Variants in SLAIN2 observed in about 807,000 individuals in gnomAD.
SLAIN2 encodes the protein SLAIN motif-containing protein 2.
Under a neutral mutation model 56.6 loss-of-function variants are expected in SLAIN2, and 31 were observed. The observed-to-expected ratio is 0.55, with a 90% CI of 0.41 to 0.74. The LOEUF is 0.74. Ranked by LOEUF, SLAIN2 falls within the 30% of genes least tolerant of loss-of-function variation. SLAIN2 has a pLI of 0.00. For missense variants in SLAIN2, 777 were observed against 754.2 expected, an observed-to-expected ratio of 1.03 and a Z score of -0.35; for synonymous variants, 317 against 284.9, an observed-to-expected ratio of 1.11 and a Z score of -1.13.
At chr4:48,400,001 A>G (rs1560462617) in intron 6 of SLAIN2, among the ~76,000 whole-genome samples, 1 of 152,000 alleles carries the variant, frequency 6.6e-6, no homozygotes, top group Non-Finnish European at 1.5e-5. Flanking sequence ...TGGTATCAGG[A>G]TGTTGCTGGC....
intron 1 of SLAIN2, among the ~76,000 whole-genome samples, chr4:48,353,246 G>GT (rs1047795097): frequency 3.3e-5 from 5 of 152,168 alleles, no homozygotes; most frequent in Non-Finnish European, 7.4e-5. Context: ...CAGATGAGAT[G>GT]TCAGAACAGT....
intron 6 of SLAIN2, among the ~76,000 whole-genome samples, chr4:48,403,721 G>C (rs1356447605): frequency 6.6e-6 from 1 of 152,186 alleles, no homozygotes. Flanking sequence ...ACTGCTGCCT[G>C]GTTCCTTGGA....
rs767181073 is a variant in SLAIN2, at chr4:48,382,837, C to G, written c.1132C>G (p.Pro378Ala). 1 of 1,613,642 alleles carries G rather than the reference C, an allele frequency of 6.2e-7. No homozygotes were observed. Among genetic ancestry groups the G allele is most frequent in the South Asian group, 1.1e-5 (1 of 91,066 alleles). ...GGGAATAGAATATAGTAGAGTGTCC[C>G]CACAGCCTATGATTAGCCGCTTACA... ...ARGIEYSRVSPQPMISRLQQP... is the reference protein window; with the variant it reads ...ARGIEYSRVSAQPMISRLQQP... The change falls in exon 5 of 8, where the codon CCA (proline) becomes GCA (alanine). Residue 378 changes from proline to alanine, a missense_variant. Pro to Ala is a conservative substitution (Grantham distance 27). Transcript: ENST00000264313.
intron 6 of SLAIN2, among the ~76,000 whole-genome samples, chr4:48,384,445 A>G (rs1716050485): frequency 6.6e-6 from 1 of 152,164 alleles, no homozygotes; most frequent in South Asian, 2.1e-4. Flanking sequence ...ATGTATGCCA[A>G]ATTAATTCAT....
At chr4:48,384,531 C>T (rs182874699) in intron 6 of SLAIN2, among the ~76,000 whole-genome samples, 4 of 152,226 alleles carry the variant, frequency 2.6e-5, no homozygotes, top group African/African-American at 9.6e-5. Flanking sequence ...TTGATCAGGA[C>T]TTGTCTCTTT....
chr4:48,395,813 T>TTTTTC (rs1480808555), intron 6 of SLAIN2, among the ~76,000 whole-genome samples: 1 of 141,730 alleles, frequency 7.1e-6, no homozygotes, highest in Non-Finnish European at 1.6e-5. Context: ...CCTTAGGCTT[T>TTTTTC]TTTTTTTTTT....
intron 1 of SLAIN2, among the ~76,000 whole-genome samples, chr4:48,369,523 TAATAATC>T (rs1419493028): frequency 6.6e-6 from 1 of 152,182 alleles, no homozygotes; most frequent in Non-Finnish European, 1.5e-5. Context: ...TAAGTAGATT[TAATAATC>T]TGGCTATATT....
chr4:48,391,663 A>C (rs1352433), intron 6 of SLAIN2, among the ~76,000 whole-genome samples: 1 of 151,986 alleles, frequency 6.6e-6, no homozygotes, highest in Non-Finnish European at 1.5e-5. Flanking sequence ...AGGATTAACT[A>C]TAGGGAGACC....
intron 3 of SLAIN2, among the ~76,000 whole-genome samples, chr4:48,378,556 T>C (rs1355862929): frequency 1.3e-5 from 2 of 152,176 alleles, no homozygotes; most frequent in Non-Finnish European, 2.9e-5. Context: ...ACTGTTATTG[T>C]GTAGCTTACT....
intron 1 of SLAIN2, among the ~76,000 whole-genome samples, chr4:48,350,685 C>G (rs1369033649): frequency 6.6e-6 from 1 of 152,024 alleles, no homozygotes; most frequent in Non-Finnish European, 1.5e-5. Context: ...CTTTTGGGAT[C>G]GAAGTTATGG....
Position 48,422,156 on chromosome 4 carries a change from A to G in SLAIN2, c.*79A>G, listed in dbSNP as rs879045086. ...GCTAAAAAACAACTTTTATATGCAG[A>G]CTGTTCAGATAAGACTCTTGGGATT... On this transcript the variant is annotated 3_prime_UTR_variant, in exon 8 of 8. Transcript: ENST00000264313. 8.7e-5 allele frequency: 92 copies of G among 1,061,142 alleles called. 1 individual carries two copies. The South Asian group carries it at 1.1e-3, about 12-fold the overall frequency. The allele number at this position is 1,061,142 out of a possible 1,614,324, so 65.7% of individuals were successfully genotyped here.
intron 2 of SLAIN2, among the ~76,000 whole-genome samples, chr4:48,374,447 C>T (rs1715751684): frequency 6.6e-6 from 1 of 152,022 alleles, no homozygotes; most frequent in Non-Finnish European, 1.5e-5. Context: ...ACGATGTTGG[C>T]CAGGCTGGTT....
intron 2 of SLAIN2, among the ~76,000 whole-genome samples, chr4:48,377,275 C>T (rs1186161726): frequency 2.2e-4 from 34 of 151,608 alleles, no homozygotes; most frequent in African/African-American, 7.3e-4. Flanking sequence ...CTCTGCCTCC[C>T]GGGTTCAAGT....
chr4:48,406,526 T>G, intron 6 of SLAIN2, among the ~76,000 whole-genome samples: 1 of 18,732 alleles, frequency 5.3e-5, no homozygotes, highest in Admixed American at 4.3e-4. Flanking sequence ...TCTCTCTCTC[T>G]TTTTTTTTTT....
intron 1 of SLAIN2, among the ~76,000 whole-genome samples, chr4:48,365,602 C>T (rs1039148130): frequency 6.6e-5 from 10 of 151,044 alleles, no homozygotes; most frequent in Non-Finnish European, 1.0e-4. Flanking sequence ...GCTCTGTTGC[C>T]CAGGGTGGAG....
chr4:48,419,151 G>A (rs1717079506), intron 6 of SLAIN2, among the ~76,000 whole-genome samples: 1 of 151,112 alleles, frequency 6.6e-6, no homozygotes. Flanking sequence ...TGCCCAGGCT[G>A]GAATGCAGTA....
In SLAIN2 at chr4:48,420,225, T is replaced by C; in HGVS notation, c.1461T>C (p.Gly487=). The C allele has an allele frequency of 6.2e-7, 1 of 1,613,976 alleles. No homozygotes were observed. ...GTAACCATGGCTCTGGTTCTCCTGGTAGCCAAGAAATAACACAGCTCACAC... is the reference window on the plus strand; with the variant it reads ...GTAACCATGGCTCTGGTTCTCCTGGCAGCCAAGAAATAACACAGCTCACAC... ...AFSNHGSGSP[G]SQEITQLTQT... The change falls in exon 7 of 8, where the codon GGT becomes GGC. Residue 487 remains glycine, a synonymous_variant. Coordinates refer to ENST00000264313, the MANE Select transcript of SLAIN2 (RefSeq NM_020846.2).
chr4:48,361,842 T>C (rs1179641195), intron 1 of SLAIN2, among the ~76,000 whole-genome samples: 1 of 152,210 alleles, frequency 6.6e-6, no homozygotes, highest in Non-Finnish European at 1.5e-5. Context: ...TTAATTTCTC[T>C]CAGCAGTGTT....
At chr4:48,357,919 G>T (rs1180472753) in intron 1 of SLAIN2, among the ~76,000 whole-genome samples, 6 of 151,852 alleles carry the variant, frequency 4.0e-5, no homozygotes, top group Non-Finnish European at 8.8e-5. Flanking sequence ...AGTTGGTCTT[G>T]AACTCCTGGC....
Sources: allele counts gnomAD v4.1 joint callset (sites outside exome capture counted in the v4.1 genomes callset), GRCh38; gene constraint gnomAD v4.1.1; transcripts MANE v1.5; gene names NCBI Gene and HGNC (gene_info 2026-07-23, HGNC 2026-07-21).